RPS6KA5: variants seen among roughly 807,000 people sequenced by gnomAD.
RPS6KA5 encodes ribosomal protein S6 kinase A5.
Under a neutral mutation model 85.5 loss-of-function variants are expected in RPS6KA5, and 27 were observed. The observed-to-expected ratio is 0.32, with a 90% confidence interval of 0.23 to 0.44. The LOEUF (loss-of-function observed/expected upper bound fraction) is 0.44. RPS6KA5 is among the 20% of genes least tolerant of loss of function. The pLI is 1.00. For synonymous variants in RPS6KA5, 334 were observed against 348.2 expected (o/e 0.96, Z 0.46); for missense variants, 811 against 980.9 (o/e 0.83, Z 2.31).
chr14:90,956,583 T>C (rs1242580345), intron 3 of RPS6KA5, among the ~76,000 whole-genome samples: 6 of 152,142 alleles, frequency 3.9e-5, no homozygotes, highest in African/African-American at 9.6e-5. Context: ...TTTGTTCCTC[T>C]AGTCTAGTCT....
chr14:90,964,821 A>G (rs541506384), intron 3 of RPS6KA5, among the ~76,000 whole-genome samples: 95 of 148,704 alleles, frequency 6.4e-4, no homozygotes, highest in African/African-American at 2.3e-3. Context: ...AGGCTGAGGC[A>G]GGAAGATCAT....
At chr14:91,019,156 T>C (rs1158642348) in intron 1 of RPS6KA5, among the ~76,000 whole-genome samples, 2 of 152,112 alleles carry the variant, frequency 1.3e-5, no homozygotes, top group African/African-American at 2.4e-5. Flanking sequence ...GGTACCGAGC[T>C]GAAAAGGGGT....
chr14:90,891,739 A>G (rs917660639), intron 13 of RPS6KA5, among the ~76,000 whole-genome samples: 7 of 152,236 alleles, frequency 4.6e-5, no homozygotes, highest in African/African-American at 1.7e-4. Flanking sequence ...TTAACTAAAA[A>G]TTGTCTTAAA....
At chr14:90,893,357 T>G (rs1204818103) in intron 13 of RPS6KA5, among the ~76,000 whole-genome samples, 1 of 152,224 alleles carries the variant, frequency 6.6e-6, no homozygotes, top group African/African-American at 2.4e-5. Context: ...TTACTAGTAC[T>G]GTGAATAATG....
In RPS6KA5 at chr14:90,964,228, C is replaced by T. The variant is rs532867659; in HGVS notation, c.394+14078G>A. On this transcript the variant is annotated intron_variant, in intron 3 of 16. Transcript: ENST00000614987. ...GCTAAGCTGTGTATAGCAATCAAGT[C>T]GCATGGCTCCTGCACATACCGGCTA... Among the ~76,000 whole-genome samples the T allele has an allele frequency of 6.6e-5, 10 of 152,302 alleles. No individual in the cohort carries two copies. The East Asian group carries it at 7.7e-4, about 12-fold the overall frequency.
At chr14:90,988,629 T>C (rs2140519111) in intron 2 of RPS6KA5, among the ~76,000 whole-genome samples, 1 of 152,120 alleles carries the variant, frequency 6.6e-6, no homozygotes, top group South Asian at 2.1e-4. Flanking sequence ...CCTGGCCAAC[T>C]TGGTGAAACG....
At chr14:90,946,841 A>C (rs1427334732) in intron 4 of RPS6KA5, among the ~76,000 whole-genome samples, 1 of 152,236 alleles carries the variant, frequency 6.6e-6, no homozygotes, top group Non-Finnish European at 1.5e-5. Flanking sequence ...AACATTTCTT[A>C]CAGTTTAAAC....
At chr14:90,923,497 G>C (rs577353644) in intron 5 of RPS6KA5, among the ~76,000 whole-genome samples, 2 of 151,634 alleles carry the variant, frequency 1.3e-5, no homozygotes, top group South Asian at 2.1e-4. Context: ...ATTTATTCTT[G>C]TTCACTTTTT....
chr14:90,983,176 C>A (rs1013398158), intron 2 of RPS6KA5, among the ~76,000 whole-genome samples: 3 of 149,866 alleles, frequency 2.0e-5, no homozygotes, highest in Non-Finnish European at 4.4e-5. Context: ...ACACAGGAGG[C>A]TAAGGCAGGA....
chr14:91,017,358 G>A (rs1350423763), intron 1 of RPS6KA5, among the ~76,000 whole-genome samples: 1 of 152,176 alleles, frequency 6.6e-6, no homozygotes, highest in Non-Finnish European at 1.5e-5. Context: ...ACCATCCATG[G>A]TATTACAAAA....
At chr14:91,009,439 C>A (rs879304873) in intron 1 of RPS6KA5, among the ~76,000 whole-genome samples, 1 of 152,140 alleles carries the variant, frequency 6.6e-6, no homozygotes, top group African/African-American at 2.4e-5. Context: ...TTAATAGAGA[C>A]CGAGTCTCAC....
At chr14:90,992,738 T>A (rs1295701984) in intron 2 of RPS6KA5, among the ~76,000 whole-genome samples, 1 of 152,236 alleles carries the variant, frequency 6.6e-6, no homozygotes, top group Non-Finnish European at 1.5e-5. Flanking sequence ...CTTAAAACTG[T>A]ACTGAGTGTC....
chr14:90,901,921 C>T (rs1448570235), intron 9 of RPS6KA5, among the ~76,000 whole-genome samples: 2 of 152,156 alleles, frequency 1.3e-5, no homozygotes, highest in East Asian at 3.8e-4. Context: ...GTGGCTCATG[C>T]CTAGAATCCC....
chr14:90,893,941 A>G, intron 13 of RPS6KA5: 3 of 796,846 alleles, frequency 3.8e-6, no homozygotes, highest in Non-Finnish European at 4.6e-6. Flanking sequence ...GAAAGACGGC[A>G]TAACTAATTA....
At chr14:90,966,980 T>C (rs1211507536) in intron 3 of RPS6KA5, among the ~76,000 whole-genome samples, 2 of 152,154 alleles carry the variant, frequency 1.3e-5, no homozygotes, top group Admixed American at 6.6e-5. Context: ...ACTTATTCTG[T>C]TTACAACTGA....
intron 5 of RPS6KA5, among the ~76,000 whole-genome samples, chr14:90,927,298 A>C (rs2036726539): frequency 6.6e-6 from 1 of 152,160 alleles, no homozygotes; most frequent in Non-Finnish European, 1.5e-5. Flanking sequence ...AATAGAAGAC[A>C]GGAAAAAGGG....
Position 90,980,306 on chromosome 14 carries a change from G to T in RPS6KA5, c.176-1782C>A, listed in dbSNP as rs115779985. Among the ~76,000 whole-genome samples the T allele has an allele frequency of 3.4e-3, 513 of 152,258 alleles. 4 individuals are homozygous for T. Among genetic ancestry groups the T allele is most frequent in the African/African-American group, 0.011 (473 of 41,546 alleles). On this transcript the variant is annotated intron_variant, in intron 2 of 16. Coordinates refer to ENST00000614987, the MANE Select transcript of RPS6KA5 (RefSeq NM_004755.4). Reference sequence around the variant, plus strand: ...ACTTCTGTGTTCCTTACATACACATGGCACTTACTCTAAATTCTTGTTATC... The same window carrying T: ...ACTTCTGTGTTCCTTACATACACATTGCACTTACTCTAAATTCTTGTTATC...
intron 14 of RPS6KA5, among the ~76,000 whole-genome samples, chr14:90,887,769 C>A (rs1595130694): frequency 6.8e-6 from 1 of 146,408 alleles, no homozygotes; most frequent in African/African-American, 2.5e-5. Context: ...CCAGCCTGGG[C>A]AACAAAGCAA....
intron 1 of RPS6KA5, among the ~76,000 whole-genome samples, chr14:91,020,861 A>G (rs2041742949): frequency 6.6e-6 from 1 of 152,022 alleles, no homozygotes; most frequent in African/African-American, 2.4e-5. Flanking sequence ...TTGTTGAGGA[A>G]TATTGTTTTT....
Sources: gnomAD v4.1 joint callset for allele counts (sites outside exome capture counted in the v4.1 genomes callset) on GRCh38, gnomAD v4.1.1 for gene constraint, MANE v1.5 for transcripts, NCBI Gene and HGNC (gene_info 2026-07-23, HGNC 2026-07-21) for gene names.